The following SVIL variants were observed in gnomAD, a reference collection of about 807,000 sequenced individuals.
SVIL encodes supervillin, also known as archvillin.
A neutral mutation model predicts 240.4 loss-of-function variants in SVIL; 101 were observed. The ratio of observed to expected loss-of-function variants is 0.42; its 90% CI spans 0.36 to 0.50. The LOEUF (loss-of-function observed/expected upper bound fraction) is 0.50. Among genes scored for constraint, SVIL ranks in the 20% least tolerant of loss-of-function variants. The pLI is 0.01. For missense variants in SVIL, 2,512 were observed against 2,818.7 expected (o/e 0.89, Z 2.46); for synonymous variants, 999 against 1,100.0 (o/e 0.91, Z 1.82).
chr10:29,645,507 T>C (rs1476576418), intron 3 of SVIL, among the ~76,000 whole-genome samples: 1 of 151,976 alleles, frequency 6.6e-6, no homozygotes, highest in Non-Finnish European at 1.5e-5. Context: ...GAGGTGGAGT[T>C]TGCAGTGAGC....
intron 1 of SVIL, among the ~76,000 whole-genome samples, chr10:29,622,085 C>T (rs1395346167): frequency 6.6e-6 from 1 of 150,614 alleles, no homozygotes; most frequent in African/African-American, 2.4e-5. Context: ...CCCGTCTCTA[C>T]TAAAAATACA....
intron 16 of SVIL, among the ~76,000 whole-genome samples, chr10:29,521,289 G>A (rs767539046): frequency 7.2e-5 from 11 of 151,926 alleles, no homozygotes; most frequent in Non-Finnish European, 8.8e-5. Flanking sequence ...TTGTGGTTTA[G>A]TATAGTCTTA....
intron 13 of SVIL, among the ~76,000 whole-genome samples, chr10:29,525,985 G>A (rs1055411755): frequency 2.0e-5 from 3 of 152,140 alleles, no homozygotes; most frequent in Non-Finnish European, 1.5e-5. Flanking sequence ...GCTTTATCCC[G>A]GCACTGCCAT....
chr10:29,523,362 T>C, intron 15 of SVIL, 89 bp downstream of exon 15: 1 of 1,268,996 alleles, frequency 7.9e-7, no homozygotes, highest in Non-Finnish European at 1.1e-6. Flanking sequence ...CTATAGAACT[T>C]TGTTAAAAGC....
rs1945864311 is a variant in SVIL, at chr10:29,473,861, G to A, written c.5506C>T (p.Leu1836=). The A allele has an allele frequency of 6.2e-7, 1 of 1,613,824 alleles. No individual in the cohort carries two copies. Among genetic ancestry groups the A allele is most frequent in the Non-Finnish European group, 8.5e-7 (1 of 1,179,986 alleles). Residue 1836 remains leucine, a synonymous_variant, in exon 30 of 38, where the codon CTG becomes TTG. Transcript: ENST00000355867. ...ACCTGGGCCCCCCTTTCCTCGTCCA[G>A]CTCCACCGTCATCAGCGCCGACGTG... is the stretch of plus-strand genomic sequence containing the variant. ...KGTSALMTVE[L]DEERGAQVQV... is the part of the protein sequence containing the mutation.
chr10:29,574,459 A>G (rs1221009909), intron 1 of SVIL, among the ~76,000 whole-genome samples: 2 of 152,146 alleles, frequency 1.3e-5, no homozygotes, highest in African/African-American at 4.8e-5. Flanking sequence ...CTATGAGTGA[A>G]CCATTGGGAT....
At chr10:29,597,331 G>C (rs920390922) in intron 1 of SVIL, among the ~76,000 whole-genome samples, 5 of 152,334 alleles carry the variant, frequency 3.3e-5, no homozygotes, top group Admixed American at 3.3e-4. Context: ...TAAAGTCCCA[G>C]GATCAAGGGT....
intron 1 of SVIL, among the ~76,000 whole-genome samples, chr10:29,600,800 T>C (rs779924532): frequency 4.6e-5 from 7 of 152,156 alleles, no homozygotes; most frequent in Non-Finnish European, 1.0e-4. Flanking sequence ...ACCGAAAGAC[T>C]GTTCTAACTA....
At chr10:29,710,064 ATT>A (rs34323466) in intron 1 of SVIL, among the ~76,000 whole-genome samples, 4 of 142,890 alleles carry the variant, frequency 2.8e-5, no homozygotes, top group Admixed American at 1.4e-4. Context: ...TTCTTTCTTA[ATT>A]TTTTTTTTTT....
chr10:29,460,108 G>A (rs1477896294), intron 36 of SVIL, among the ~76,000 whole-genome samples: 4 of 151,992 alleles, frequency 2.6e-5, no homozygotes, highest in Admixed American at 1.3e-4. Context: ...AAGAAGAGGC[G>A]AATTTTGGAT....
chr10:29,573,216 C>T (rs545707355), intron 1 of SVIL, among the ~76,000 whole-genome samples: 5 of 151,964 alleles, frequency 3.3e-5, no homozygotes, highest in Non-Finnish European at 4.4e-5. Flanking sequence ...TTCCCGTATT[C>T]GAAATTTGAA....
chr10:29,477,491 C>G (rs539068353), intron 29 of SVIL, among the ~76,000 whole-genome samples: 1 of 152,170 alleles, frequency 6.6e-6, no homozygotes, highest in Non-Finnish European at 1.5e-5. Flanking sequence ...ATTGGCCAAG[C>G]GGAGGCTGTA....
chr10:29,697,481 C>A (rs1281968224), intron 1 of SVIL, among the ~76,000 whole-genome samples: 2 of 71,356 alleles, frequency 2.8e-5, no homozygotes, highest in Non-Finnish European at 5.1e-5. Context: ...AAGAAAAATT[C>A]TTCTGCCTTG....
Position 29,585,086 on chromosome 10 carries a change from CT to C in SVIL, c.-200-15775del, listed in dbSNP as rs111923900. 1.7e-3 allele frequency among the ~76,000 whole-genome samples: 250 copies of C among 145,408 alleles called. 1 individual carries two copies. The highest frequency in any genetic ancestry group is 3.6e-3 in the Middle Eastern group (1 of 274). ...TCAGCTAATATTTTTATTCTTCTTCCTTTTTTTTTTTTTTGAGACAGGTTCT... is the reference window on the plus strand; with the variant it reads ...TCAGCTAATATTTTTATTCTTCTTCCTTTTTTTTTTTTTGAGACAGGTTCT... On this transcript the variant is annotated intron_variant, in intron 1 of 37. Transcript: ENST00000355867.
At position 29,523,930 on chromosome 10, in the gene SVIL, C is replaced by A. The variant is rs777510006; in HGVS notation, c.2684G>T (p.Arg895Leu). The change falls in exon 15 of 38, where the codon CGC becomes CTC. Residue 895 changes from arginine to leucine, a missense_variant. Around this residue, in one of 3 missense-constraint regions of SVIL, gnomAD observed 1,443 missense variants for 1,486.6 expected, o/e 0.97. Coordinates refer to ENST00000355867, the MANE Select transcript of SVIL (RefSeq NM_021738.3). ...TVAPMYAGDLRTKPPLDHNAS... is the reference protein window; with the variant it reads ...TVAPMYAGDLLTKPPLDHNAS... ...ATTGTGGTCAAGAGGTGGCTTTGTG[C>A]GAAGATCTCCGGCATACATTGGAGC... 4 of 1,614,086 alleles carry A rather than the reference C, an allele frequency of 2.5e-6. No individual in the cohort carries two copies. Among genetic ancestry groups the A allele is most frequent in the South Asian group, 1.1e-5 (1 of 91,084 alleles).
intron 1 of SVIL, among the ~76,000 whole-genome samples, chr10:29,687,721 T>C (rs751777070): frequency 2.0e-5 from 3 of 152,230 alleles, no homozygotes; most frequent in Non-Finnish European, 4.4e-5. Flanking sequence ...ACCACCTACC[T>C]GCCCCTTTTT....
At chr10:29,664,192 A>C (rs1959190387) in intron 2 of SVIL, among the ~76,000 whole-genome samples, 1 of 152,220 alleles carries the variant, frequency 6.6e-6, no homozygotes, top group Admixed American at 6.5e-5. Context: ...TCACAAGTGG[A>C]AAAATTGAGT....
intron 36 of SVIL, among the ~76,000 whole-genome samples, chr10:29,460,597 A>G (rs1944137010): frequency 6.6e-6 from 1 of 152,206 alleles, no homozygotes; most frequent in South Asian, 2.1e-4. Context: ...TTCTCAGGAA[A>G]CCAACCATCA....
At chr10:29,546,655 G>A (rs531855286) in intron 6 of SVIL, among the ~76,000 whole-genome samples, 2 of 152,254 alleles carry the variant, frequency 1.3e-5, no homozygotes, top group South Asian at 2.1e-4. Context: ...GTTAATGTAC[G>A]TGAGCACATT....
Sources: allele counts gnomAD v4.1 joint callset (sites outside exome capture counted in the v4.1 genomes callset), GRCh38; gene constraint gnomAD v4.1.1; regional missense constraint gnomAD v4.1.1; transcripts MANE v1.5; gene names NCBI Gene and HGNC (gene_info 2026-07-23, HGNC 2026-07-21).